TRAPPC12: variants seen among roughly 807,000 people sequenced by gnomAD.
The protein encoded by TRAPPC12 is trafficking protein particle complex subunit 12.
A neutral mutation model predicts 69.2 loss-of-function variants in TRAPPC12; 61 were observed. The observed-to-expected ratio is 0.88, with a 90% CI of 0.72 to 1.09. The LOEUF (loss-of-function observed/expected upper bound fraction) is 1.09. Ranked by LOEUF, TRAPPC12 falls within the 50% of genes least tolerant of loss-of-function variation. The pLI is 0.00. For missense variants in TRAPPC12, 1,101 were observed against 1,016.4 expected (o/e 1.08, Z -1.13); for synonymous variants, 469 against 438.9 (o/e 1.07, Z -0.86).
rs34956958 is a variant in TRAPPC12 at position 3,383,871 on chromosome 2, GTTTTTTTT to G, written c.-4-3715_-4-3708del. ...TATTCCCTTGTGATAGTTCAGTCTT[GTTTTTTTT>G]TTTTTTTTTTTTTTTTTTTTTTTTT... is the stretch of plus-strand genomic sequence containing the variant. On this transcript the variant is annotated intron_variant, in intron 1 of 11. Coordinates refer to ENST00000324266, the MANE Select transcript of TRAPPC12 (RefSeq NM_016030.6). Among the ~76,000 whole-genome samples the G allele has an allele frequency of 4.4e-3, 373 of 85,602 alleles. 4 individuals are homozygous for G. The highest frequency in any genetic ancestry group is 0.014 in the African/African-American group (335 of 24,260). The allele number at this position is 85,602 out of a possible 152,430, so 56.2% of individuals were successfully genotyped here. A position where few individuals can be genotyped will look rare whatever the true frequency, so the allele number is the denominator to read the frequency against.
At chr2:3,383,675 G>C (rs990583365) in intron 1 of TRAPPC12, among the ~76,000 whole-genome samples, 1 of 151,944 alleles carries the variant, frequency 6.6e-6, no homozygotes, top group Non-Finnish European at 1.5e-5. Context: ...AAAGTGCTGG[G>C]ATTACAGGCG....
intron 9 of TRAPPC12, among the ~76,000 whole-genome samples, chr2:3,477,116 G>C (rs527264131): frequency 2.9e-4 from 44 of 152,302 alleles, no homozygotes; most frequent in Non-Finnish European, 5.1e-4. Context: ...CACCCCCCAG[G>C]CCTCCTCTGC....
At chr2:3,408,888 A>C (rs556172477) in intron 3 of TRAPPC12, among the ~76,000 whole-genome samples, 1 of 152,268 alleles carries the variant, frequency 6.6e-6, no homozygotes, top group African/African-American at 2.4e-5. Context: ...GACCAAGCTC[A>C]CTCTGTGCCG....
intron 2 of TRAPPC12, 183 bp downstream of exon 2, chr2:3,388,853 G>T (rs1233374997): frequency 3.4e-6 from 2 of 593,568 alleles, no homozygotes; most frequent in African/African-American, 1.9e-5. Flanking sequence ...TTCCCCAACA[G>T]AACATATTTA....
At chr2:3,469,004 GAGAA>G (rs1001450832) in intron 9 of TRAPPC12, among the ~76,000 whole-genome samples, 2 of 152,114 alleles carry the variant, frequency 1.3e-5, no homozygotes, top group African/African-American at 4.8e-5. Flanking sequence ...CTGTTTTAAG[GAGAA>G]AGAACTCAAA....
At chr2:3,439,701 A>T (rs1310655906) in intron 5 of TRAPPC12, among the ~76,000 whole-genome samples, 1 of 152,146 alleles carries the variant, frequency 6.6e-6, no homozygotes. Flanking sequence ...ATGAAGTCCA[A>T]CTTACTGATT....
intron 9 of TRAPPC12, among the ~76,000 whole-genome samples, chr2:3,472,119 G>T (rs137862548): frequency 6.6e-6 from 1 of 152,136 alleles, no homozygotes; most frequent in Non-Finnish European, 1.5e-5. Context: ...ACCACTCACC[G>T]CTATGGCTGA....
At chr2:3,388,722 G>C (rs1409495635) in intron 2 of TRAPPC12, 52 bp downstream of exon 2, 1 of 1,463,106 alleles carries the variant, frequency 6.8e-7, no homozygotes, top group East Asian at 2.5e-5. Context: ...CTGCGTCTGT[G>C]AGATACGCAC....
At chr2:3,419,799 G>GTA (rs1255311491) in intron 3 of TRAPPC12, among the ~76,000 whole-genome samples, 2 of 152,202 alleles carry the variant, frequency 1.3e-5, no homozygotes, top group Non-Finnish European at 2.9e-5. Context: ...TGAGAGAACG[G>GTA]TGGAAAGTTC....
intron 7 of TRAPPC12, 47 bp downstream of exon 7, chr2:3,457,740 G>T: frequency 6.2e-7 from 1 of 1,602,154 alleles, no homozygotes. Context: ...GGACATCACT[G>T]ACAGACTGAG....
At chr2:3,407,795 CAA>C (rs908346929) in intron 3 of TRAPPC12, among the ~76,000 whole-genome samples, 1 of 148,740 alleles carries the variant, frequency 6.7e-6, no homozygotes, top group Non-Finnish European at 1.5e-5. Flanking sequence ...GACTCCGTTT[CAA>C]AAAAAGAAAA....
intron 2 of TRAPPC12, among the ~76,000 whole-genome samples, chr2:3,394,924 TCACA>T (rs1661035909): frequency 1.3e-5 from 2 of 152,174 alleles, no homozygotes; most frequent in African/African-American, 2.4e-5. Flanking sequence ...ATTCTGTCTC[TCACA>T]CACACACTCA....
Position 3,477,735 on chromosome 2 carries a change from T to C in TRAPPC12, c.1817T>C (p.Val606Ala), listed in dbSNP as rs760848130. ...IKTAEKYFQD[V>A]EKVTQKLDGL... ...ACAGCTGAAAAGTATTTTCAAGACGTTGAGAAAGTAACACAGAAATTAGAT... is the reference window on the plus strand; with the variant it reads ...ACAGCTGAAAAGTATTTTCAAGACGCTGAGAAAGTAACACAGAAATTAGAT... Residue 606 changes from valine (V) to alanine (A), a missense_variant, in exon 10 of 12, where the codon GTT (valine) becomes GCT (alanine). By Grantham distance (64) the Val-to-Ala change is moderately conservative. Transcript: ENST00000324266. 5 of 1,608,566 alleles carry C rather than the reference T, an allele frequency of 3.1e-6. No individual in the cohort carries two copies. The East Asian group carries it at 1.1e-4, about 36-fold the overall frequency.
At chr2:3,422,161 C>T (rs968373902) in intron 4 of TRAPPC12, among the ~76,000 whole-genome samples, 167 bp downstream of exon 4, 3 of 152,252 alleles carry the variant, frequency 2.0e-5, no homozygotes, top group African/African-American at 7.2e-5. Context: ...GGAATTCTCA[C>T]TTCGGCCCGT....
Position 3,448,577 on chromosome 2 carries a change from G to C in TRAPPC12, c.1530+4686G>C, listed in dbSNP as rs531738928. ...CCGTTTTCCATTAGCTCCTCCTCCCGCAGGGCGTGGAGAGCAGCCGGTTAC... is the reference window on the plus strand; with the variant it reads ...CCGTTTTCCATTAGCTCCTCCTCCCCCAGGGCGTGGAGAGCAGCCGGTTAC... On this transcript the variant is annotated intron_variant, in intron 6 of 11. Transcript: ENST00000324266. 6.0e-5 allele frequency among the ~76,000 whole-genome samples: 9 copies of C among 150,718 alleles called. 1 individual carries two copies. The highest frequency in any genetic ancestry group is 2.0e-4 in the Admixed American group (3 of 15,302).
Position 3,401,805 on chromosome 2 carries a change from G to A in TRAPPC12, c.1076G>A (p.Arg359His), listed in dbSNP as rs748145933. 8 of 1,595,314 alleles carry A rather than the reference G, an allele frequency of 5.0e-6. No homozygotes were observed. Among genetic ancestry groups the A allele is most frequent in the African/African-American group, 1.3e-5 (1 of 74,130 alleles). The change falls in exon 3 of 12, where the codon CGC becomes CAC. Residue 359 changes from arginine to histidine, a missense_variant. By Grantham distance (29) the Arg-to-His change is conservative (BLOSUM62 0). Coordinates refer to ENST00000324266, the MANE Select transcript of TRAPPC12 (RefSeq NM_016030.6). ...QGDAVKDLML[R>H]FLGEKAAAKR... ...GATGCAGTTAAAGACTTGATGCTTCGCTTTCTGGGTGAAAAAGCTGCAGCA... is the reference window on the plus strand; with the variant it reads ...GATGCAGTTAAAGACTTGATGCTTCACTTTCTGGGTGAAAAAGCTGCAGCA...
At chr2:3,403,101 CA>C (rs1661540003) in intron 3 of TRAPPC12, among the ~76,000 whole-genome samples, 1 of 152,160 alleles carries the variant, frequency 6.6e-6, no homozygotes, top group Non-Finnish European at 1.5e-5. Flanking sequence ...ATCTGGAGGA[CA>C]TGTATTCACC....
chr2:3,452,401 G>A (rs1664897153), intron 6 of TRAPPC12, among the ~76,000 whole-genome samples: 1 of 152,212 alleles, frequency 6.6e-6, no homozygotes, highest in Non-Finnish European at 1.5e-5. Context: ...CGCAAGGGAT[G>A]GGAATGAGAC....
rs927992509 is a variant in TRAPPC12 at position 3,414,710 on chromosome 2, G to A, written c.1165-7171G>A. On this transcript the variant is annotated intron_variant, in intron 3 of 11. Transcript: ENST00000324266. The surrounding 1 kb of genome is among the most constrained non-coding windows in gnomAD (Gnocchi z 4.9). ...CGTGCCGCTTGTGCCTCTGCCCCGC[G>A]AGGGACACCATTCCCCGTCGTTGAC... is the stretch of plus-strand genomic sequence containing the variant. Among the ~76,000 whole-genome samples, 2 of 152,090 alleles carry A rather than the reference G, an allele frequency of 1.3e-5. No homozygotes were observed. Among genetic ancestry groups the A allele is most frequent in the African/African-American group, 4.8e-5 (2 of 41,410 alleles).
Sources: allele counts gnomAD v4.1 joint callset (sites outside exome capture counted in the v4.1 genomes callset), GRCh38; gene constraint gnomAD v4.1.1; non-coding constraint Gnocchi (gnomAD v3.1); transcripts MANE v1.5; gene names NCBI Gene and HGNC (gene_info 2026-07-23, HGNC 2026-07-21).